CTBS: variants seen among roughly 807,000 people sequenced by gnomAD.
CTBS encodes the protein di-N-acetylchitobiase.
CTBS carries 35 observed loss-of-function variants against 44.3 expected under a neutral mutation model. That is an observed-to-expected ratio of 0.79 (90% CI 0.60 to 1.05). The LOEUF (loss-of-function observed/expected upper bound fraction) is 1.05, where lower values mean the gene tolerates loss of function less well. Among genes scored for constraint, CTBS ranks in the 50% least tolerant of loss-of-function variants. The pLI, the probability that CTBS is intolerant of heterozygous loss-of-function variation, is 0.00. For synonymous variants in CTBS, 143 were observed against 168.0 expected (o/e 0.85, Z 1.15); for missense variants, 458 against 475.3 (o/e 0.96, Z 0.34).
Position 84,565,885 on chromosome 1 carries a change from T to C in CTBS, c.653A>G (p.Glu218Gly). 6.3e-7 allele frequency: 1 copy of C among 1,585,922 alleles called. No individual in the cohort carries two copies. The highest frequency in any genetic ancestry group is 2.3e-5 in the East Asian group (1 of 42,630). The change falls in exon 4 of 7, where the codon GAA becomes GGA. Residue 218 changes from glutamate (E) to glycine (G), a missense_variant. Coordinates refer to ENST00000370630, the MANE Select transcript of CTBS (RefSeq NM_004388.3). ...GGGAGCATTGGCTGCTGCAATACAT[T>C]CTGACCAGATCTGACTTTGTTCATC... ...SYDEQSQIWS[E>G]CIAAANAPYN...
chr1:84,571,123 G>GA (rs1558632616), intron 1 of CTBS, among the ~76,000 whole-genome samples: 1 of 152,200 alleles, frequency 6.6e-6, no homozygotes, highest in Non-Finnish European at 1.5e-5. Flanking sequence ...GAGGTAAAGG[G>GA]AGAGAATAAA....
At chr1:84,558,293 CTT>C (rs369890996) in intron 6 of CTBS, among the ~76,000 whole-genome samples, 10 of 145,762 alleles carry the variant, frequency 6.9e-5, no homozygotes, top group Non-Finnish European at 9.1e-5. Flanking sequence ...TGCCATTAAA[CTT>C]TTTTTTTTTT....
Position 84,563,532 on chromosome 1 carries a change from T to C in CTBS, c.796-114A>G, listed in dbSNP as rs1277178170. ...AAACATATACCATAGAAAACCTGAC[T>C]ATACAGAAAAAAGGTTAAAATAAAT... is the stretch of plus-strand genomic sequence containing the variant. On this transcript the variant is annotated intron_variant, in intron 5 of 6. Transcript: ENST00000370630. 4.3e-5 allele frequency: 34 copies of C among 783,872 alleles called. No individual in the cohort carries two copies. The Admixed American group carries it at 1.3e-3, about 29-fold the overall frequency. The allele number at this position is 783,872 out of a possible 1,614,324, so 48.6% of individuals were successfully genotyped here.
At position 84,549,646 on chromosome 1, in the gene CTBS, C is replaced by T. The variant is rs533351974; in HGVS notation, c.*5353G>A. 18 of 151,920 alleles carry T rather than the reference C, an allele frequency of 1.2e-4. No individual in the cohort carries two copies. Among genetic ancestry groups the T allele is most frequent in the Non-Finnish European group, 1.8e-4 (12 of 67,932 alleles). The allele number at this position is 151,920 out of a possible 1,614,324, so 9.4% of individuals were successfully genotyped here. On this transcript the variant is annotated 3_prime_UTR_variant, in exon 7 of 7. Coordinates refer to ENST00000370630, the MANE Select transcript of CTBS (RefSeq NM_004388.3). ...GAAGTTTATTTTATTATTAATTCCACCATATAATTAAATAACAGACAAAAA... is the reference window on the plus strand; with the variant it reads ...GAAGTTTATTTTATTATTAATTCCATCATATAATTAAATAACAGACAAAAA...
chr1:84,574,264 G>C lies in CTBS; in HGVS notation c.152C>G (p.Pro51Arg). 6.2e-7 allele frequency: 1 copy of C among 1,601,522 alleles called. No homozygotes were observed. The highest frequency in any genetic ancestry group is 8.5e-7 in the Non-Finnish European group (1 of 1,175,194). The change falls in exon 1 of 7, where the codon CCG (proline) becomes CGG (arginine). Residue 51 changes from proline (P) to arginine (R), a missense_variant. Transcript: ENST00000370630. ...CTCGAAATCTGGATGGTGGCGAATCGGGCGGCAGAGCTCAGGCTCCGGGCA... is the reference window on the plus strand; with the variant it reads ...CTCGAAATCTGGATGGTGGCGAATCCGGCGGCAGAGCTCAGGCTCCGGGCA... ...CPCPEPELCR[P>R]IRHHPDFEVF...
chr1:84,565,507 A>C (rs1014139013), intron 4 of CTBS, among the ~76,000 whole-genome samples: 4 of 152,196 alleles, frequency 2.6e-5, no homozygotes, highest in African/African-American at 9.6e-5. Context: ...ATGTGATTTC[A>C]TGACAAGAAT....
rs1182978994 is a variant in CTBS, at chr1:84,550,583, A to C, written c.*4416T>G. Reference sequence around the variant, plus strand: ...ATTATAACATTTATCTTGAAATAAAATATTTTGGTGTTTTAACTTTGGGTG... The same window carrying C: ...ATTATAACATTTATCTTGAAATAAACTATTTTGGTGTTTTAACTTTGGGTG... On this transcript the variant is annotated 3_prime_UTR_variant, in exon 7 of 7. Coordinates refer to ENST00000370630, the MANE Select transcript of CTBS (RefSeq NM_004388.3). 2.7e-5 allele frequency: 39 copies of C among 1,443,416 alleles called. No homozygotes were observed. Among genetic ancestry groups the C allele is most frequent in the Non-Finnish European group, 3.6e-5 (39 of 1,092,856 alleles). The allele number at this position is 1,443,416 out of a possible 1,614,324, so 89.4% of individuals were successfully genotyped here.
intron 3 of CTBS, 100 bp downstream of exon 3, chr1:84,569,831 C>A: frequency 9.5e-7 from 1 of 1,057,438 alleles, no homozygotes. Flanking sequence ...AACTCTTTCC[C>A]ATTGCATTAC....
At chr1:84,574,137 T>C in intron 1 of CTBS, 102 bp downstream of exon 1, 2 of 1,533,412 alleles carry the variant, frequency 1.3e-6, no homozygotes, top group Non-Finnish European at 1.8e-6. Context: ...TGGTCAAAGC[T>C]GGTTTCGGCG....
At chr1:84,571,427 T>C (rs1647296132) in intron 1 of CTBS, among the ~76,000 whole-genome samples, 2 of 152,234 alleles carry the variant, frequency 1.3e-5, no homozygotes, top group Non-Finnish European at 2.9e-5. Context: ...GAGCCATAAA[T>C]ACATTTACTG....
chr1:84,570,852 G>C, intron 1 of CTBS, 132 bp from the exon 2 acceptor site: 1 of 767,658 alleles, frequency 1.3e-6, no homozygotes. Context: ...ATAAGACATA[G>C]GGGTCCCAAG....
At position 84,554,935 on chromosome 1, in the gene CTBS, G is replaced by T; in HGVS notation, c.*64C>A. On this transcript the variant is annotated 3_prime_UTR_variant, in exon 7 of 7. Transcript: ENST00000370630. ...AAGTATATAGCAACATAATAAAAAT[G>T]CAAGAAACTAGATCTGTTGATACAG... The T allele has an allele frequency of 7.8e-7, 1 of 1,274,888 alleles. No individual in the cohort carries two copies. The highest frequency in any genetic ancestry group is 1.1e-6 in the Non-Finnish European group (1 of 904,330). The allele number at this position is 1,274,888 out of a possible 1,614,324, so 79.0% of individuals were successfully genotyped here. A position where few individuals can be genotyped will look rare whatever the true frequency, so the allele number is the denominator to read the frequency against.
At position 84,560,093 on chromosome 1, in the gene CTBS, AAAAAAAAGAAAG is replaced by A. The variant is rs1336216897; in HGVS notation, c.957+3152_957+3163del. The stretch of plus-strand genomic sequence containing the variant: ...AGCAAGACTCTGTCTCAAAAAAAAA[AAAAAAAAGAAAG>A]AAAGAAAGAAAGAAAGAAAGAAAGA... On this transcript the variant is annotated intron_variant, in intron 6 of 6. Coordinates refer to ENST00000370630, the MANE Select transcript of CTBS (RefSeq NM_004388.3). 1.9e-3 allele frequency among the ~76,000 whole-genome samples: 251 copies of A among 131,120 alleles called. 1 individual carries two copies. Among genetic ancestry groups the A allele is most frequent in the African/African-American group, 5.6e-3 (175 of 31,038 alleles). The allele number at this position is 131,120 out of a possible 152,430, so 86.0% of individuals were successfully genotyped here. A position where few individuals can be genotyped will look rare whatever the true frequency, so the allele number is the denominator to read the frequency against.
At chr1:84,568,467 C>T (rs370081464) in intron 3 of CTBS, among the ~76,000 whole-genome samples, 4 of 152,144 alleles carry the variant, frequency 2.6e-5, no homozygotes, top group South Asian at 4.1e-4. Context: ...AAATGTCAGT[C>T]GTCATATTGC....
intron 6 of CTBS, among the ~76,000 whole-genome samples, chr1:84,558,162 AC>A (rs1194020124): frequency 6.6e-6 from 1 of 152,250 alleles, no homozygotes; most frequent in Non-Finnish European, 1.5e-5. Context: ...AAGTGTTCTT[AC>A]CATTTAAAAA....
At chr1:84,557,247 A>G (rs1275320701) in intron 6 of CTBS, among the ~76,000 whole-genome samples, 1 of 152,156 alleles carries the variant, frequency 6.6e-6, no homozygotes, top group African/African-American at 2.4e-5. Flanking sequence ...AATAAAAAAG[A>G]GGGGGCCAGG....
At chr1:84,562,426 A>T (rs1403691376) in intron 6 of CTBS, among the ~76,000 whole-genome samples, 2 of 152,246 alleles carry the variant, frequency 1.3e-5, no homozygotes, top group Non-Finnish European at 2.9e-5. Flanking sequence ...TATATCAATT[A>T]TAATTTATGA....
intron 6 of CTBS, chr1:84,555,936 G>T (rs1451424501): frequency 6.6e-6 from 1 of 152,218 alleles, no homozygotes; most frequent in Non-Finnish European, 1.5e-5. Flanking sequence ...TGGCTAGGAG[G>T]TCTACAGAAG....
chr1:84,550,878 A>T lies in CTBS; in HGVS notation c.*4121T>A. The T allele has an allele frequency of 2.0e-6, 2 of 984,856 alleles. No individual in the cohort carries two copies. The allele number at this position is 984,856 out of a possible 1,614,324, so 61.0% of individuals were successfully genotyped here. A position where few individuals can be genotyped will look rare whatever the true frequency, so the allele number is the denominator to read the frequency against. On this transcript the variant is annotated 3_prime_UTR_variant, in exon 7 of 7. Coordinates refer to ENST00000370630, the MANE Select transcript of CTBS (RefSeq NM_004388.3). Reference sequence around the variant, plus strand: ...GATAAACCACTGAGCTCTCCTCTGAACTGACATTTAATTTTTTATGGGTAA... The same window carrying T: ...GATAAACCACTGAGCTCTCCTCTGATCTGACATTTAATTTTTTATGGGTAA...
Sources: gnomAD v4.1 joint callset for allele counts (sites outside exome capture counted in the v4.1 genomes callset) on GRCh38, gnomAD v4.1.1 for gene constraint, MANE v1.5 for transcripts, NCBI Gene and HGNC (gene_info 2026-07-23, HGNC 2026-07-21) for gene names.